Variants in TECTA observed in about 807,000 individuals in gnomAD.
TECTA encodes the protein alpha-tectorin.
In TECTA, 128 loss-of-function variants were observed where a neutral mutation model predicts 216.8. The ratio of observed to expected loss-of-function variants is 0.59; its 90% CI spans 0.51 to 0.68. The LOEUF (loss-of-function observed/expected upper bound fraction) is 0.68, where lower values mean the gene tolerates loss of function less well. Ranked by LOEUF, TECTA falls within the 30% of genes least tolerant of loss-of-function variation. The pLI is 0.00. For synonymous variants in TECTA, 1,089 were observed against 1,117.1 expected (o/e 0.97, Z 0.50); for missense variants, 2,551 against 2,786.2 (o/e 0.92, Z 1.90).
intron 20 of TECTA, among the ~76,000 whole-genome samples, chr11:121,187,566 TG>T (rs1235681905): frequency 6.6e-6 from 1 of 152,240 alleles, no homozygotes; most frequent in Non-Finnish European, 1.5e-5. Context: ...GGAAATTGAA[TG>T]TGGTCCCTGC....
At chr11:121,120,589 C>A (rs519116) in intron 7 of TECTA, among the ~76,000 whole-genome samples, 2 of 152,066 alleles carry the variant, frequency 1.3e-5, no homozygotes, top group Admixed American at 6.5e-5. Context: ...ACACAGACCC[C>A]CCTTCTCCAG....
chr11:121,181,332 C>T (rs1947226764), intron 20 of TECTA, among the ~76,000 whole-genome samples: 1 of 151,728 alleles, frequency 6.6e-6, no homozygotes, highest in Non-Finnish European at 1.5e-5. Flanking sequence ...TTTCTGATTT[C>T]TTTGTATTGT....
chr11:121,188,009 G>C lies in TECTA; in HGVS notation c.6162+15G>C. ...CCTGTAAAATCGTAAGTGAGAGTGT[G>C]AAAACAAAGTGCTTAGCCTTATTTC... On this transcript the variant is annotated intron_variant, in intron 21 of 23. Coordinates refer to ENST00000392793, the MANE Select transcript of TECTA (RefSeq NM_005422.4). The C allele has an allele frequency of 6.2e-7, 1 of 1,614,076 alleles. No homozygotes were observed. Among genetic ancestry groups the C allele is most frequent in the Non-Finnish European group, 8.5e-7 (1 of 1,179,976 alleles).
At chr11:121,178,176 C>T (rs1248126150) in intron 20 of TECTA, among the ~76,000 whole-genome samples, 2 of 152,226 alleles carry the variant, frequency 1.3e-5, no homozygotes, top group South Asian at 2.1e-4. Context: ...GCACGGTGCA[C>T]TGCACCCACT....
Position 121,127,575 on chromosome 11 carries a change from T to C in TECTA, c.1775-177T>C, listed in dbSNP as rs977280572. On this transcript the variant is annotated intron_variant, in intron 8 of 23. Transcript: ENST00000392793. This position sits in a 1 kb window ranked among gnomAD's most constrained non-coding sequence, Gnocchi z 5.0. ...GTCCAATCATGCTGCTCAGTAGTTA[T>C]TAGGAGAGTCATTGAGCTGGGTTTT... Among the ~76,000 whole-genome samples the C allele has an allele frequency of 6.6e-6, 1 of 152,186 alleles. No individual in the cohort carries two copies. Among genetic ancestry groups the C allele is most frequent in the Non-Finnish European group, 1.5e-5 (1 of 68,026 alleles).
chr11:121,190,506 G>A (rs777486316), intron 23 of TECTA, among the ~76,000 whole-genome samples, 200 bp from the exon 24 acceptor site: 4 of 152,126 alleles, frequency 2.6e-5, no homozygotes, highest in East Asian at 1.9e-4. Flanking sequence ...CTCATGATCC[G>A]CCTGTGTTGG....
intron 12 of TECTA, among the ~76,000 whole-genome samples, chr11:121,151,299 G>A (rs749288583): frequency 1.3e-5 from 2 of 152,142 alleles, no homozygotes; most frequent in African/African-American, 4.8e-5. Flanking sequence ...TCCACTTTCA[G>A]TAATTTATTC....
At position 121,118,358 on chromosome 11, in the gene TECTA, C is replaced by T. The variant is rs371267489; in HGVS notation, c.843C>T (p.Val281=). ...EVFWDDLNCT[V]KCRCLDFNNE... is the part of the protein sequence containing the mutation. ...TTTGGGATGACTTGAACTGCACCGT[C>T]AAGTGCCGCTGTCTGGATTTCAACA... The change falls in exon 7 of 24, where the codon GTC becomes GTT. Residue 281 remains valine, a synonymous_variant. Coordinates refer to ENST00000392793, the MANE Select transcript of TECTA (RefSeq NM_005422.4). The T allele has an allele frequency of 3.1e-6, 5 of 1,614,064 alleles. No homozygotes were observed. The African/African-American group carries it at 5.3e-5, about 17-fold the overall frequency.
At chr11:121,182,772 C>G (rs902601745) in intron 20 of TECTA, among the ~76,000 whole-genome samples, 2 of 152,120 alleles carry the variant, frequency 1.3e-5, no homozygotes, top group Non-Finnish European at 2.9e-5. Context: ...TGTCCTTAGA[C>G]CCCTGGAAGA....
At chr11:121,108,323 C>T (rs531290757) in intron 3 of TECTA, among the ~76,000 whole-genome samples, 1 of 150,030 alleles carries the variant, frequency 6.7e-6, no homozygotes, top group South Asian at 2.1e-4. Context: ...ACACACATCA[C>T]ACCTCAATAT....
At chr11:121,164,078 G>A (rs182814392) in intron 16 of TECTA, among the ~76,000 whole-genome samples, 7 of 152,310 alleles carry the variant, frequency 4.6e-5, no homozygotes, top group East Asian at 1.9e-4. Flanking sequence ...CCAGAGGGGC[G>A]TGGCAGCTGA....
intron 11 of TECTA, among the ~76,000 whole-genome samples, chr11:121,145,096 A>G (rs1459928568): frequency 6.6e-6 from 1 of 152,210 alleles, no homozygotes; most frequent in African/African-American, 2.4e-5. Flanking sequence ...GTGGCATTTC[A>G]GACAGAGGGA....
chr11:121,146,177 G>T, intron 12 of TECTA, 61 bp downstream of exon 12: 1 of 1,584,056 alleles, frequency 6.3e-7, no homozygotes, highest in Non-Finnish European at 8.6e-7. Context: ...CTCTGGGAAG[G>T]CCAGTCTTCC....
chr11:121,143,392 C>A (rs1946802953), intron 11 of TECTA, among the ~76,000 whole-genome samples: 2 of 152,348 alleles, frequency 1.3e-5, no homozygotes, highest in South Asian at 4.1e-4. Flanking sequence ...CTTGTCTTCA[C>A]TCCCACTCCT....
In TECTA at chr11:121,113,461, G is replaced by C; in HGVS notation, c.625-92G>C. 1 of 1,561,190 alleles carries C rather than the reference G, an allele frequency of 6.4e-7. No individual in the cohort carries two copies. The highest frequency in any genetic ancestry group is 8.8e-7 in the Non-Finnish European group (1 of 1,133,722). On this transcript the variant is annotated intron_variant, in intron 5 of 23. Transcript: ENST00000392793. This position sits in a 1 kb window ranked among gnomAD's most constrained non-coding sequence, Gnocchi z 4.2. Reference sequence around the variant, plus strand: ...CAGGAAAAGACGGCTCTTGATTTTAGAGGTGCTGGATTTTAAAAATAAGGT... The same window carrying C: ...CAGGAAAAGACGGCTCTTGATTTTACAGGTGCTGGATTTTAAAAATAAGGT...
At chr11:121,168,264 C>A (rs1174386670) in intron 19 of TECTA, 47 bp downstream of exon 19, 2 of 1,611,392 alleles carry the variant, frequency 1.2e-6, no homozygotes, top group Non-Finnish European at 1.7e-6. Context: ...TATTCCTTGA[C>A]AGTTAAGGTT....
intron 2 of TECTA, 117 bp downstream of exon 2, chr11:121,102,846 G>A: frequency 1.2e-6 from 1 of 858,276 alleles, no homozygotes. Context: ...ACAGATACAA[G>A]AGAAAAATGT....
chr11:121,168,954 T>C (rs1283665169), intron 20 of TECTA, 29 bp downstream of exon 20: 1 of 1,613,800 alleles, frequency 6.2e-7, no homozygotes, highest in Non-Finnish European at 8.5e-7. Context: ...GACAACATTC[T>C]CAGAGCTTCA....
At chr11:121,123,810 G>C (rs764922630) in intron 7 of TECTA, among the ~76,000 whole-genome samples, 7 of 152,148 alleles carry the variant, frequency 4.6e-5, no homozygotes, top group Non-Finnish European at 1.0e-4. Context: ...ATGGCTGACG[G>C]GCCCTGCTTG....
Sources: gnomAD v4.1 joint callset for allele counts (sites outside exome capture counted in the v4.1 genomes callset) on GRCh38, gnomAD v4.1.1 for gene constraint, Gnocchi (gnomAD v3.1) non-coding constraint, MANE v1.5 for transcripts, NCBI Gene and HGNC (gene_info 2026-07-23, HGNC 2026-07-21) for gene names.